MMD: variants seen among roughly 807,000 people sequenced by gnomAD.
MMD encodes the protein monocyte to macrophage differentiation associated.
In MMD, 22 loss-of-function variants were observed where a neutral mutation model predicts 33.6. That is an observed-to-expected ratio of 0.66 (90% CI 0.47 to 0.94). The LOEUF is 0.94. Ranked by LOEUF, MMD falls within the 40% of genes least tolerant of loss-of-function variation. The probability of loss-of-function intolerance (pLI) is 0.00; values close to 1 mark genes in which losing one functional copy is unlikely to be tolerated. For synonymous variants in MMD, 97 were observed against 103.2 expected, an observed-to-expected ratio of 0.94 and a Z score of 0.36; for missense variants, 242 against 309.8, an observed-to-expected ratio of 0.78 and a Z score of 1.64.
chr17:55,420,893 C>A (rs555749473), intron 1 of MMD, among the ~76,000 whole-genome samples: 7 of 152,226 alleles, frequency 4.6e-5, no homozygotes, highest in Non-Finnish European at 1.0e-4. Context: ...CGGCGCCCCC[C>A]AGCCCGGCAT....
intron 4 of MMD, chr17:55,404,477 A>G: frequency 1.1e-5 from 11 of 985,452 alleles, no homozygotes; most frequent in Non-Finnish European, 1.3e-5. Flanking sequence ...AATGAGGTCA[A>G]AACTGCTTGC....
chr17:55,397,084 T>C (rs1907129913), intron 6 of MMD, among the ~76,000 whole-genome samples: 1 of 152,252 alleles, frequency 6.6e-6, no homozygotes, highest in South Asian at 2.1e-4. Flanking sequence ...AACCCCCATG[T>C]TATCTTGTGA....
At chr17:55,418,220 G>A (rs1450565441) in intron 1 of MMD, among the ~76,000 whole-genome samples, 1 of 152,288 alleles carries the variant, frequency 6.6e-6, no homozygotes, top group East Asian at 1.9e-4. Flanking sequence ...GTCACAATTG[G>A]TAAGACTTTG....
chr17:55,403,493 T>G (rs1018702378), intron 5 of MMD, among the ~76,000 whole-genome samples: 1 of 152,192 alleles, frequency 6.6e-6, no homozygotes, highest in Admixed American at 6.5e-5. Flanking sequence ...ATTTGCCTCA[T>G]GCTATAGAAA....
rs965263318 is a variant in MMD at position 55,414,313 on chromosome 17, G to A, written c.27-81C>T. 1.6e-5 allele frequency: 21 copies of A among 1,302,434 alleles called. No homozygotes were observed. The East Asian group carries it at 2.6e-4, about 16-fold the overall frequency. The allele number at this position is 1,302,434 out of a possible 1,614,324, so 80.7% of individuals were successfully genotyped here. A position where few individuals can be genotyped will look rare whatever the true frequency, so the allele number is the denominator to read the frequency against. On this transcript the variant is annotated intron_variant, in intron 1 of 6. Coordinates refer to ENST00000262065, the MANE Select transcript of MMD (RefSeq NM_012329.3). ...GAGGAAACCCACCAGTGGGTATGTG[G>A]TCTATTCTACGCAAAGAAGTGACTG... is the stretch of plus-strand genomic sequence containing the variant.
At chr17:55,421,384 G>C (rs1238362250) in intron 1 of MMD, among the ~76,000 whole-genome samples, 1 of 152,208 alleles carries the variant, frequency 6.6e-6, no homozygotes, top group African/African-American at 2.4e-5. Context: ...GGAGCAAAGG[G>C]ATCCCCGGGA....
intron 5 of MMD, among the ~76,000 whole-genome samples, chr17:55,401,881 G>A (rs1037402197): frequency 1.3e-5 from 2 of 152,030 alleles, no homozygotes; most frequent in African/African-American, 4.8e-5. Flanking sequence ...AGACCATCCT[G>A]ATTAACACGG....
chr17:55,401,505 T>C lies in MMD; in HGVS notation c.480A>G (p.Thr160=), dbSNP rs374376502. 29 of 1,612,246 alleles carry C rather than the reference T, an allele frequency of 1.8e-5. No homozygotes were observed. The highest frequency in any genetic ancestry group is 2.2e-5 in the Non-Finnish European group (26 of 1,179,482). Residue 160 remains threonine, a synonymous_variant, in exon 6 of 7, where the codon ACA becomes ACG. Transcript: ENST00000262065. ...YKVVELFFYL[T]MGFSPALVVT... is the part of the protein sequence containing the mutation. Reference sequence around the variant, plus strand: ...CCACCAAGGCTGGAGAGAATCCCATTGTGAGATAGAAAAAGAGTTCAACCA... The same window carrying C: ...CCACCAAGGCTGGAGAGAATCCCATCGTGAGATAGAAAAAGAGTTCAACCA...
intron 3 of MMD, among the ~76,000 whole-genome samples, chr17:55,410,369 T>A (rs1598433560): frequency 6.6e-6 from 1 of 152,336 alleles, no homozygotes; most frequent in East Asian, 1.9e-4. Flanking sequence ...CCAAAAGGCA[T>A]ATTCGAGTAT....
At chr17:55,398,667 G>A (rs771769020) in intron 6 of MMD, among the ~76,000 whole-genome samples, 8 of 152,200 alleles carry the variant, frequency 5.3e-5, no homozygotes, top group South Asian at 2.1e-4. Flanking sequence ...TCTGTTAGGC[G>A]GTTTATTTAC....
At chr17:55,414,342 G>A in intron 1 of MMD, 110 bp from the exon 2 acceptor site, 1 of 979,258 alleles carries the variant, frequency 1.0e-6, no homozygotes, top group East Asian at 2.6e-5. Context: ...GTGACTGGTG[G>A]AAATACCCAG....
chr17:55,405,516 T>C (rs151224560), intron 4 of MMD, among the ~76,000 whole-genome samples: 468 of 152,260 alleles, frequency 3.1e-3, no homozygotes, highest in African/African-American at 0.01. Flanking sequence ...TTGCCTACTA[T>C]GATATTTAAC....
intron 2 of MMD, 133 bp downstream of exon 2, chr17:55,414,018 A>G (rs926199966): frequency 2.4e-6 from 2 of 818,990 alleles, no homozygotes; most frequent in African/African-American, 3.4e-5. Context: ...ACGACCCAGA[A>G]CTGATTTCCT....
chr17:55,413,452 C>CA (rs1209444143), intron 2 of MMD, among the ~76,000 whole-genome samples: 2 of 152,126 alleles, frequency 1.3e-5, no homozygotes, highest in Admixed American at 1.3e-4. Flanking sequence ...ACCCCCAACA[C>CA]AGAGACACAC....
At chr17:55,413,410 G>A (rs1051987723) in intron 2 of MMD, among the ~76,000 whole-genome samples, 1 of 151,946 alleles carries the variant, frequency 6.6e-6, no homozygotes, top group Non-Finnish European at 1.5e-5. Context: ...CACATTAACA[G>A]GAAAACTGAA....
At chr17:55,409,584 A>G (rs1325346297) in intron 3 of MMD, among the ~76,000 whole-genome samples, 1 of 152,246 alleles carries the variant, frequency 6.6e-6, no homozygotes, top group Non-Finnish European at 1.5e-5. Flanking sequence ...AGGAGCACCT[A>G]CCACATAATA....
At chr17:55,399,583 T>G (rs1378642581) in intron 6 of MMD, among the ~76,000 whole-genome samples, 2 of 152,246 alleles carry the variant, frequency 1.3e-5, no homozygotes, top group Non-Finnish European at 2.9e-5. Flanking sequence ...TGCTGTATTC[T>G]CTACCTGTAA....
chr17:55,410,864 C>G (rs1470517659), intron 3 of MMD, among the ~76,000 whole-genome samples: 1 of 152,178 alleles, frequency 6.6e-6, no homozygotes, highest in East Asian at 1.9e-4. Flanking sequence ...AATTAAAGAG[C>G]AGGGCTGGGC....
At chr17:55,414,822 C>T (rs1907908522) in intron 1 of MMD, among the ~76,000 whole-genome samples, 1 of 152,120 alleles carries the variant, frequency 6.6e-6, no homozygotes, top group South Asian at 2.1e-4. Context: ...CACCTGGCTA[C>T]CTCTAGGCAA....
Sources: allele counts gnomAD v4.1 joint callset (sites outside exome capture counted in the v4.1 genomes callset), GRCh38; gene constraint gnomAD v4.1.1; transcripts MANE v1.5; gene names NCBI Gene and HGNC (gene_info 2026-07-23, HGNC 2026-07-21).